The following B4GALNT3 variants were observed in gnomAD, a reference collection of about 807,000 sequenced individuals.
The protein encoded by B4GALNT3 is beta-1,4-N-acetyl-galactosaminyltransferase 3, also known as beta-1,4-N-acetylgalactosaminyltransferase 3.
B4GALNT3 carries 86 observed loss-of-function variants against 120.2 expected under a neutral mutation model. The observed-to-expected ratio is 0.72, with a 90% confidence interval of 0.60 to 0.86. The LOEUF (loss-of-function observed/expected upper bound fraction) is 0.86. Ranked by LOEUF, B4GALNT3 falls within the 40% of genes least tolerant of loss-of-function variation. The pLI, the probability that B4GALNT3 is intolerant of heterozygous loss-of-function variation, is 0.00. For missense variants in B4GALNT3, 1,167 were observed against 1,298.9 expected (o/e 0.90, Z 1.56); for synonymous variants, 518 against 510.4 (o/e 1.01, Z -0.20).
intron 1 of B4GALNT3, among the ~76,000 whole-genome samples, chr12:497,873 A>G (rs1330003829): frequency 2.0e-5 from 3 of 152,092 alleles, no homozygotes; most frequent in Non-Finnish European, 4.4e-5. Flanking sequence ...CACTCTAGAA[A>G]GTGTTTTGAT....
chr12:466,853 C>T (rs1051818148), intron 1 of B4GALNT3, among the ~76,000 whole-genome samples: 4 of 151,984 alleles, frequency 2.6e-5, no homozygotes, highest in South Asian at 4.1e-4. Flanking sequence ...ACATGCAAAT[C>T]GTCCCTGTGG....
At chr12:509,617 G>A (rs1213708010) in intron 1 of B4GALNT3, among the ~76,000 whole-genome samples, 1 of 152,204 alleles carries the variant, frequency 6.6e-6, no homozygotes, top group African/African-American at 2.4e-5. Flanking sequence ...GGAAATGCCT[G>A]GGTAGGGGGG....
At chr12:470,641 G>A (rs1043558614) in intron 1 of B4GALNT3, among the ~76,000 whole-genome samples, 5 of 152,220 alleles carry the variant, frequency 3.3e-5, no homozygotes, top group African/African-American at 1.2e-4. Context: ...GATAGCAGAA[G>A]GCAGGGGACG....
intron 1 of B4GALNT3, among the ~76,000 whole-genome samples, chr12:525,352 G>T (rs11833359): frequency 6.6e-6 from 1 of 151,878 alleles, no homozygotes; most frequent in Non-Finnish European, 1.5e-5. Flanking sequence ...CAGGTCATCC[G>T]CCTGCCTCGA....
chr12:476,569 C>T (rs1032708286), intron 1 of B4GALNT3, among the ~76,000 whole-genome samples: 1 of 152,270 alleles, frequency 6.6e-6, no homozygotes, highest in African/African-American at 2.4e-5. Context: ...TGTGATCACG[C>T]CACTGCACCC....
intron 14 of B4GALNT3, chr12:555,215 G>A (rs74528414): frequency 0.028 from 9,248 of 333,672 alleles, 217 homozygotes; most frequent in Non-Finnish European, 0.034. Flanking sequence ...AAAAGAAACC[G>A]TATGTGTTAG....
chr12:560,874 G>A (rs1052568269), intron 19 of B4GALNT3, among the ~76,000 whole-genome samples: 6 of 152,210 alleles, frequency 3.9e-5, no homozygotes, highest in Admixed American at 3.3e-4. Flanking sequence ...AAAGGCCTGG[G>A]GAGGGCCTAG....
chr12:512,762 CGCCTTCCGCCTTCT>C (rs1946604591), intron 1 of B4GALNT3, among the ~76,000 whole-genome samples: 3 of 138,344 alleles, frequency 2.2e-5, no homozygotes, highest in African/African-American at 5.3e-5. Flanking sequence ...TTCCACCTTC[CGCCTTCCGCCTTCT>C]GCCTTCCTTC....
intron 1 of B4GALNT3, among the ~76,000 whole-genome samples, chr12:510,305 G>A (rs1946533098): frequency 1.3e-5 from 2 of 152,184 alleles, no homozygotes; most frequent in South Asian, 4.1e-4. Flanking sequence ...CTGCCTGCTG[G>A]CTTTGTAAGC....
chr12:555,117 G>A (rs1185329903), intron 14 of B4GALNT3, among the ~76,000 whole-genome samples: 1 of 151,846 alleles, frequency 6.6e-6, no homozygotes, highest in South Asian at 2.1e-4. Flanking sequence ...GGTGGAGGTT[G>A]TAGTGAGCAG....
chr12:495,000 A>G (rs1946375663), intron 1 of B4GALNT3, among the ~76,000 whole-genome samples: 2 of 152,218 alleles, frequency 1.3e-5, no homozygotes, highest in African/African-American at 4.8e-5. Flanking sequence ...CTGGCTCTGC[A>G]TAGCGTAAGC....
At chr12:509,642 G>A (rs973997554) in intron 1 of B4GALNT3, among the ~76,000 whole-genome samples, 2 of 152,142 alleles carry the variant, frequency 1.3e-5, no homozygotes, top group Non-Finnish European at 1.5e-5. Context: ...AAGAGCATGC[G>A]GTTCCACTCC....
In B4GALNT3 at chr12:561,938, G is replaced by C. The variant is rs899904473; in HGVS notation, c.*487G>C. The C allele has an allele frequency of 2.6e-5, 4 of 153,318 alleles. No individual in the cohort carries two copies. The highest frequency in any genetic ancestry group is 7.2e-5 in the African/African-American group (3 of 41,464). The allele number at this position is 153,318 out of a possible 1,614,324, so 9.5% of individuals were successfully genotyped here. On this transcript the variant is annotated 3_prime_UTR_variant, in exon 20 of 20. Coordinates refer to ENST00000266383, the MANE Select transcript of B4GALNT3 (RefSeq NM_173593.4). ...TTGTGCACTGAGGGACTGTCCCCAC[G>C]TGCAGGCCTCCCGCCCACTCCTATG...
At chr12:506,137 C>T (rs1488984976) in intron 1 of B4GALNT3, among the ~76,000 whole-genome samples, 1 of 151,704 alleles carries the variant, frequency 6.6e-6, no homozygotes, top group Non-Finnish European at 1.5e-5. Flanking sequence ...ATTTTAAATT[C>T]ATTAGGCAGG....
At chr12:469,717 C>T (rs1946116975) in intron 1 of B4GALNT3, among the ~76,000 whole-genome samples, 2 of 152,258 alleles carry the variant, frequency 1.3e-5, no homozygotes, top group African/African-American at 2.4e-5. Flanking sequence ...AACTGGGAAG[C>T]GATAGCCTCT....
chr12:556,931 C>T, intron 15 of B4GALNT3, 65 bp downstream of exon 15: 1 of 1,492,194 alleles, frequency 6.7e-7, no homozygotes, highest in Non-Finnish European at 9.1e-7. Context: ...GGAGCACCCA[C>T]ATCTGCTTGC....
chr12:540,399 T>C (rs965569067), intron 3 of B4GALNT3: 12 of 152,354 alleles, frequency 7.9e-5, no homozygotes, highest in Non-Finnish European at 1.3e-4. Context: ...ATAATTAGGA[T>C]GTGCAGGGAA....
chr12:512,396 A>T (rs1261579221), intron 1 of B4GALNT3, among the ~76,000 whole-genome samples: 3 of 68,390 alleles, frequency 4.4e-5, no homozygotes, highest in African/African-American at 1.6e-4. Context: ...ACCTTCTTCC[A>T]CCTTTGACCT....
chr12:497,073 G>A (rs575924221), intron 1 of B4GALNT3, among the ~76,000 whole-genome samples: 1 of 152,164 alleles, frequency 6.6e-6, no homozygotes, highest in African/African-American at 2.4e-5. Context: ...GGCCTCAAGC[G>A]ATCCTTCCAC....
Sources: gnomAD v4.1 joint callset for allele counts (sites outside exome capture counted in the v4.1 genomes callset) on GRCh38, gnomAD v4.1.1 for gene constraint, MANE v1.5 for transcripts, NCBI Gene and HGNC (gene_info 2026-07-23, HGNC 2026-07-21) for gene names.